Variants in SUGT1 observed in about 807,000 individuals in gnomAD.
SUGT1 encodes SGT1 assembly cochaperone of MIS12 kinetochore complex.
A neutral mutation model predicts 56.1 loss-of-function variants in SUGT1; 15 were observed. That is an observed-to-expected ratio of 0.27 (90% CI 0.18 to 0.41). The LOEUF is 0.41. SUGT1 is among the 10% of genes least tolerant of loss of function. The pLI is 1.00. For missense variants in SUGT1, 347 were observed against 382.2 expected (o/e 0.91, Z 0.77); for synonymous variants, 123 against 128.6 (o/e 0.96, Z 0.30).
Position 52,680,772 on chromosome 13 carries a change from A to G in SUGT1, c.900+617A>G, listed in dbSNP as rs1289756547. Among the ~76,000 whole-genome samples, 5 of 152,202 alleles carry G rather than the reference A, an allele frequency of 3.3e-5. No individual in the cohort carries two copies. In the East Asian group the frequency reaches 9.6e-4, roughly 29 times the overall value. On this transcript the variant is annotated intron_variant, in intron 12 of 12. Transcript: ENST00000310528. ...AAATTAGTATTTTAATTTAATATTT[A>G]GTTAATGTGGTTGAGGCTTAGGTAT...
chr13:52,685,966 C>CA (rs774575211), intron 12 of SUGT1, among the ~76,000 whole-genome samples: 86 of 152,272 alleles, frequency 5.6e-4, no homozygotes, highest in Non-Finnish European at 1.1e-3. Context: ...TTCACTCTGT[C>CA]ACTCAGGCTG....
rs1281500896 is a variant in SUGT1, at chr13:52,691,404, C to G, written c.*3569C>G. The G allele has an allele frequency of 6.6e-6, 1 of 152,156 alleles. No homozygotes were observed. Among genetic ancestry groups the G allele is most frequent in the Non-Finnish European group, 1.5e-5 (1 of 68,024 alleles). 9.4% of individuals were successfully genotyped at this position (152,156 alleles called of 1,614,324 possible). A position where few individuals can be genotyped will look rare whatever the true frequency, so the allele number is the denominator to read the frequency against. On this transcript the variant is annotated 3_prime_UTR_variant, in exon 13 of 13. Transcript: ENST00000310528. ...TTTTTGGCTCTTCTTTCCCACTTTA[C>G]CTTTCTCTATTCCTTCCTCAGTTAT...
intron 10 of SUGT1, among the ~76,000 whole-genome samples, chr13:52,675,994 A>G (rs540279599): frequency 6.6e-6 from 1 of 152,226 alleles, no homozygotes; most frequent in East Asian, 1.9e-4. Flanking sequence ...TATGTATTTC[A>G]AGTCTCTTCT....
rs1286058354 is a variant in SUGT1, at chr13:52,689,568, A to T, written c.*1733A>T. The T allele has an allele frequency of 6.6e-6, 1 of 152,234 alleles. No individual in the cohort carries two copies. The highest frequency in any genetic ancestry group is 1.5e-5 in the Non-Finnish European group (1 of 68,040). The allele number at this position is 152,234 out of a possible 1,614,324, so 9.4% of individuals were successfully genotyped here. On this transcript the variant is annotated 3_prime_UTR_variant, in exon 13 of 13. Transcript: ENST00000310528. ...TTTAGGCCTTTCTTAGTTCCTTTGT[A>T]AATAATCCATAGAGTCTTAGAGTTA...
chr13:52,687,729 T>C lies in SUGT1; in HGVS notation c.901-5T>C, dbSNP rs1033715995. ...GAATTAATCTATTTTTATTTTTCAT[T>C]GCAGATGGAGTCGGGTGGTACAGTT... On this transcript the variant is annotated splice_polypyrimidine_tract_variant and splice_region_variant and intron_variant, in intron 12 of 12. Transcript: ENST00000310528. 1 of 1,572,610 alleles carries C rather than the reference T, an allele frequency of 6.4e-7. No individual in the cohort carries two copies. Among genetic ancestry groups the C allele is most frequent in the Non-Finnish European group, 8.6e-7 (1 of 1,165,834 alleles).
At position 52,698,320 on chromosome 13, in the gene SUGT1, T is replaced by C. The variant is rs1314087180; in HGVS notation, c.*10485T>C. The stretch of plus-strand genomic sequence containing the variant: ...CTTAAATACTATGTAGTCCAAACGT[T>C]TGGTTTTACAGATGCACTTTTTCCA... On this transcript the variant is annotated 3_prime_UTR_variant, in exon 13 of 13. Coordinates refer to ENST00000310528, the MANE Select transcript of SUGT1 (RefSeq NM_006704.5). The C allele has an allele frequency of 1.3e-5, 2 of 152,214 alleles. No homozygotes were observed. The highest frequency in any genetic ancestry group is 1.5e-5 in the Non-Finnish European group (1 of 68,032). 9.4% of individuals were successfully genotyped at this position (152,214 alleles called of 1,614,324 possible).
intron 10 of SUGT1, 88 bp from the exon 11 acceptor site, chr13:52,676,142 A>G: frequency 9.7e-7 from 1 of 1,026,970 alleles, no homozygotes; most frequent in Non-Finnish European, 1.4e-6. Flanking sequence ...TATTCTTAAC[A>G]AAACTTTGAT....
chr13:52,657,686 C>A, intron 3 of SUGT1, 64 bp downstream of exon 3: 2 of 1,447,354 alleles, frequency 1.4e-6, no homozygotes, highest in Non-Finnish European at 1.9e-6. Context: ...TTACCCATGA[C>A]AAATTAAAAG....
chr13:52,667,690 A>C (rs1218647875), intron 10 of SUGT1, among the ~76,000 whole-genome samples: 1 of 152,174 alleles, frequency 6.6e-6, no homozygotes, highest in Non-Finnish European at 1.5e-5. Flanking sequence ...AGAGATATAC[A>C]ACAGAATTAA....
rs1253379769 is a variant in SUGT1, at chr13:52,653,051, TC to T, written c.46del (p.Gln16ArgfsTer7). 6.2e-7 allele frequency: 1 copy of T among 1,614,188 alleles called. No individual in the cohort carries two copies. Among genetic ancestry groups the T allele is most frequent in the Non-Finnish European group, 8.5e-7 (1 of 1,180,030 alleles). ...AGTCGTTGTTTTCCTGACAGGTTTT[TC>T]CAGAGCTTCTCGGATGCCCTAATCG... ...AAGTATSQRF[F>X]QSFSDALIDE... is the part of the protein sequence containing the mutation. On this transcript the variant is annotated frameshift_variant, in exon 2 of 13. Transcript: ENST00000310528. LOFTEE classifies it high-confidence loss of function.
Position 52,666,290 on chromosome 13 carries a change from T to G in SUGT1, c.520-522T>G, listed in dbSNP as rs563294700. ...CGGGGTTTCACCATGTTGGCCAGGC[T>G]GTTGTCGAATTCCTGACCTCAAGTG... On this transcript the variant is annotated intron_variant, in intron 9 of 12. Transcript: ENST00000310528. 2.0e-5 allele frequency among the ~76,000 whole-genome samples: 3 copies of G among 152,326 alleles called. No homozygotes were observed. The South Asian group carries it at 6.2e-4, about 32-fold the overall frequency.
At position 52,657,587 on chromosome 13, in the gene SUGT1, G is replaced by T; in HGVS notation, c.152G>T (p.Arg51Ile). 1.9e-6 allele frequency: 3 copies of T among 1,613,672 alleles called. No homozygotes were observed. The change falls in exon 3 of 13, where the codon AGA becomes ATA. Residue 51 changes from arginine to isoleucine, a missense_variant. Coordinates refer to ENST00000310528, the MANE Select transcript of SUGT1 (RefSeq NM_006704.5). ...GATGATGCACAGTATTATTGTCAAA[G>T]AGCTTATTGTCACATTCTTCTTGGG... ...KPDDAQYYCQ[R>I]AYCHILLGNY...
chr13:52,652,994 T>G (rs757507942), intron 1 of SUGT1, 36 bp downstream of exon 1: 8 of 1,614,068 alleles, frequency 5.0e-6, no homozygotes, highest in Non-Finnish European at 6.8e-6. Context: ...ATTTATTTTA[T>G]CCCCCTTTCC....
chr13:52,695,893 C>G lies in SUGT1; in HGVS notation c.*8058C>G, dbSNP rs137972721. On this transcript the variant is annotated 3_prime_UTR_variant, in exon 13 of 13. Coordinates refer to ENST00000310528, the MANE Select transcript of SUGT1 (RefSeq NM_006704.5). ...CCAGTTTCCTACTGATGTGTCAAAA[C>G]TGAGTTTGTATGCTACCTCCAGGAA... 1 of 152,350 alleles carries G rather than the reference C, an allele frequency of 6.6e-6. No individual in the cohort carries two copies. Among genetic ancestry groups the G allele is most frequent in the African/African-American group, 2.4e-5 (1 of 41,568 alleles). The allele number at this position is 152,350 out of a possible 1,614,324, so 9.4% of individuals were successfully genotyped here.
At chr13:52,686,423 A>G (rs1000034985) in intron 12 of SUGT1, among the ~76,000 whole-genome samples, 1 of 152,242 alleles carries the variant, frequency 6.6e-6, no homozygotes, top group African/African-American at 2.4e-5. Flanking sequence ...CTTAAATTGC[A>G]ACAATGCACT....
intron 5 of SUGT1, among the ~76,000 whole-genome samples, chr13:52,660,634 T>C (rs1962399877): frequency 6.6e-6 from 1 of 152,332 alleles, no homozygotes; most frequent in Non-Finnish European, 1.5e-5. Flanking sequence ...GTGATAAGGC[T>C]TATTCTCAAA....
intron 12 of SUGT1, among the ~76,000 whole-genome samples, chr13:52,686,347 T>A (rs2138179859): frequency 6.6e-6 from 1 of 152,346 alleles, no homozygotes; most frequent in African/African-American, 2.4e-5. Flanking sequence ...ATGTACTCCT[T>A]GCCCTTAATG....
At chr13:52,677,625 A>T (rs1233561324) in intron 11 of SUGT1, among the ~76,000 whole-genome samples, 1 of 152,162 alleles carries the variant, frequency 6.6e-6, no homozygotes, top group East Asian at 1.9e-4. Flanking sequence ...AGGCTCAGAA[A>T]AGTTAAGCTC....
At chr13:52,667,174 G>T (rs190263713) in intron 10 of SUGT1, among the ~76,000 whole-genome samples, 2 of 152,190 alleles carry the variant, frequency 1.3e-5, no homozygotes, top group Admixed American at 6.5e-5. Context: ...TTCAATAAAG[G>T]GGTTTTTTTA....
Sources: allele counts gnomAD v4.1 joint callset (sites outside exome capture counted in the v4.1 genomes callset), GRCh38; gene constraint gnomAD v4.1.1; transcripts MANE v1.5; gene names NCBI Gene and HGNC (gene_info 2026-07-23, HGNC 2026-07-21).